SV2C: variants seen among roughly 807,000 people sequenced by gnomAD.
The protein encoded by SV2C is synaptic vesicle glycoprotein 2C, also known as solute carrier family 22 member B3.
Under a neutral mutation model 79.7 loss-of-function variants are expected in SV2C, and 49 were observed. That is an observed-to-expected ratio of 0.61 (90% confidence interval 0.49 to 0.78). SV2C has a LOEUF of 0.78. SV2C is among the 30% of genes least tolerant of loss of function. SV2C has a pLI of 0.00. For synonymous variants in SV2C, 334 were observed against 333.2 expected (o/e 1.00, Z -0.03); for missense variants, 833 against 912.9 (o/e 0.91, Z 1.13).
At chr5:76,196,389 CA>C (rs1174620559) in intron 3 of SV2C, among the ~76,000 whole-genome samples, 1 of 152,146 alleles carries the variant, frequency 6.6e-6, no homozygotes, top group Non-Finnish European at 1.5e-5. Flanking sequence ...TGCTTTGTAG[CA>C]ACGGAGAAAG....
intron 4 of SV2C, among the ~76,000 whole-genome samples, chr5:76,237,991 C>CG (rs1561278197): frequency 1.7e-5 from 2 of 118,102 alleles, no homozygotes; most frequent in Admixed American, 7.7e-5. Context: ...CACACACACA[C>CG]ATACATACAT....
At chr5:75,931,011 G>A in the SV2C span, among the ~76,000 whole-genome samples, 1 of 152,154 alleles carries the variant, frequency 6.6e-6, no homozygotes, top group African/African-American at 2.4e-5. Flanking sequence ...GCACATGCCT[G>A]TAATCCCAGC....
At chr5:75,918,347 T>G in the SV2C span, among the ~76,000 whole-genome samples, 1 of 152,262 alleles carries the variant, frequency 6.6e-6, no homozygotes, top group South Asian at 2.1e-4. Context: ...CTTTATATTC[T>G]TTTTCCTATA....
chr5:75,943,032 G>A, the SV2C span, among the ~76,000 whole-genome samples: 3 of 152,148 alleles, frequency 2.0e-5, no homozygotes, highest in Non-Finnish European at 4.4e-5. Context: ...ATAAGCAAAT[G>A]CCTGACTTGG....
At chr5:76,085,356 T>TA (rs1206290028) in intron 1 of SV2C, among the ~76,000 whole-genome samples, 1 of 152,150 alleles carries the variant, frequency 6.6e-6, no homozygotes, top group Admixed American at 6.5e-5. Context: ...AAATACGCGT[T>TA]AAAAAACACT....
intron 1 of SV2C, among the ~76,000 whole-genome samples, chr5:76,107,751 G>A (rs189322607): frequency 7.9e-5 from 12 of 152,226 alleles, no homozygotes; most frequent in African/African-American, 2.9e-4. Context: ...CTACTCAGGA[G>A]GTTGAGGCAG....
At chr5:75,997,636 A>G in the SV2C span, among the ~76,000 whole-genome samples, 4 of 152,206 alleles carry the variant, frequency 2.6e-5, no homozygotes, top group African/African-American at 7.2e-5. Context: ...AAAAACCACA[A>G]TGAGATACCA....
At chr5:76,083,969 A>G (rs557333113) in intron 1 of SV2C, 30 of 152,030 alleles carry the variant, frequency 2.0e-4, no homozygotes, top group Non-Finnish European at 2.6e-4. Context: ...CTTAGGCTCA[A>G]CTTTTCGGCG....
At chr5:76,189,650 G>C (rs1744035210) in intron 2 of SV2C, among the ~76,000 whole-genome samples, 1 of 152,148 alleles carries the variant, frequency 6.6e-6, no homozygotes, top group South Asian at 2.1e-4. Context: ...TTTTTCCTTT[G>C]AGTTGGGCTC....
chr5:76,256,723 TCCTG>T (rs1746276590), intron 4 of SV2C, among the ~76,000 whole-genome samples: 2 of 152,204 alleles, frequency 1.3e-5, no homozygotes, highest in Admixed American at 1.3e-4. Flanking sequence ...CCAGCAAGAA[TCCTG>T]CCTGCTACCA....
intron 4 of SV2C, among the ~76,000 whole-genome samples, chr5:76,257,284 T>TGTGTGGTATCTGTATG (rs1561286267): frequency 1.1e-4 from 16 of 142,596 alleles, no homozygotes; most frequent in African/African-American, 3.1e-4. Flanking sequence ...TGTGTGTGTG[T>TGTGTGGTATCTGTATG]GTGTGTAGTG....
At chr5:76,168,855 T>C (rs1263378322) in intron 2 of SV2C, among the ~76,000 whole-genome samples, 2 of 152,216 alleles carry the variant, frequency 1.3e-5, no homozygotes, top group East Asian at 3.9e-4. Flanking sequence ...TGCCCCGCTC[T>C]TGAGTTGCTC....
the SV2C span, among the ~76,000 whole-genome samples, chr5:75,869,722 T>G: frequency 6.6e-6 from 1 of 152,150 alleles, no homozygotes; most frequent in Non-Finnish European, 1.5e-5. Flanking sequence ...CTGGGCTGGC[T>G]TCAGATCTGA....
intron 12 of SV2C, among the ~76,000 whole-genome samples, chr5:76,321,435 G>A (rs905053512): frequency 2.0e-5 from 3 of 152,052 alleles, no homozygotes; most frequent in East Asian, 3.9e-4. Context: ...GTGTATGCAG[G>A]CTCATGAACA....
chr5:75,932,563 A>G, the SV2C span, among the ~76,000 whole-genome samples: 4 of 152,268 alleles, frequency 2.6e-5, no homozygotes, highest in Admixed American at 2.0e-4. Flanking sequence ...TAGATTAACT[A>G]AAAGCATTCC....
intron 2 of SV2C, among the ~76,000 whole-genome samples, chr5:76,149,441 G>A (rs529977131): frequency 2.0e-5 from 3 of 152,340 alleles, no homozygotes; most frequent in Admixed American, 1.3e-4. Flanking sequence ...CCCACGAGAC[G>A]CTGAGGCTGC....
Position 76,212,619 on chromosome 5 carries a change from C to T in SV2C, c.913+2732C>T, listed in dbSNP as rs1457106069. Among the ~76,000 whole-genome samples, 4 of 152,078 alleles carry T rather than the reference C, an allele frequency of 2.6e-5. No homozygotes were observed. The East Asian group carries it at 5.8e-4, about 22-fold the overall frequency. On this transcript the variant is annotated intron_variant, in intron 4 of 12. Transcript: ENST00000502798. ...GGTTAATGGCTGTCTCTTTCCTGGTCCTCCCTTCCCATCATATCGCTCAGA... is the reference window on the plus strand; with the variant it reads ...GGTTAATGGCTGTCTCTTTCCTGGTTCTCCCTTCCCATCATATCGCTCAGA...
chr5:75,912,861 A>G, the SV2C span, among the ~76,000 whole-genome samples: 1 of 152,348 alleles, frequency 6.6e-6, no homozygotes, highest in Non-Finnish European at 1.5e-5. Flanking sequence ...TGCTTAACAG[A>G]TTTTGGTCTG....
intron 3 of SV2C, among the ~76,000 whole-genome samples, chr5:76,199,357 C>T (rs950429083): frequency 3.9e-5 from 6 of 152,152 alleles, no homozygotes; most frequent in Non-Finnish European, 7.3e-5. Flanking sequence ...CATAGGCCCC[C>T]GCACTCCACG....
Sources: gnomAD v4.1 joint callset for allele counts (sites outside exome capture counted in the v4.1 genomes callset) on GRCh38, gnomAD v4.1.1 for gene constraint, MANE v1.5 for transcripts, NCBI Gene and HGNC (gene_info 2026-07-23, HGNC 2026-07-21) for gene names.